Variants in FAT3 observed in about 807,000 individuals in gnomAD.
The protein encoded by FAT3 is protocadherin Fat 3.
In FAT3, 95 loss-of-function variants were observed where a neutral mutation model predicts 310.2. The ratio of observed to expected loss-of-function variants is 0.31; its 90% CI spans 0.26 to 0.36. The LOEUF (loss-of-function observed/expected upper bound fraction) is 0.36, where lower values mean the gene tolerates loss of function less well. FAT3 is among the 10% of genes least tolerant of loss of function. FAT3 has a pLI of 1.00. For missense variants in FAT3, 5,408 were observed against 5,715.6 expected (o/e 0.95, Z 1.74); for synonymous variants, 2,314 against 2,192.9 (o/e 1.06, Z -1.54).
At chr11:92,794,081 G>T (rs933737950) in intron 9 of FAT3, among the ~76,000 whole-genome samples, 1 of 152,062 alleles carries the variant, frequency 6.6e-6, no homozygotes, top group Non-Finnish European at 1.5e-5. Context: ...TTTCCGGAGA[G>T]AATTTACCTA....
chr11:92,541,882 G>A (rs1041352906), intron 3 of FAT3, among the ~76,000 whole-genome samples: 3 of 152,134 alleles, frequency 2.0e-5, no homozygotes, highest in Non-Finnish European at 4.4e-5. Context: ...AGTAATTGCA[G>A]TCATGATTAT....
chr11:92,728,016 A>G (rs757414759), intron 4 of FAT3, among the ~76,000 whole-genome samples: 1 of 152,128 alleles, frequency 6.6e-6, no homozygotes, highest in Non-Finnish European at 1.5e-5. Flanking sequence ...GTGCCTCTGC[A>G]CAAGTGTACT....
In FAT3 at chr11:92,800,212, A is replaced by C. The variant is rs191031398; in HGVS notation, c.7199A>C (p.Glu2400Ala). ...CCAGTTTTTAATCAGCTCATTTATG[A>C]GTCATATGTGAGTGAATTAGCCCCC... The part of the protein sequence containing the change: ...NPPVFNQLIY[E>A]SYVSELAPRG... The change falls in exon 10 of 28, where the codon GAG becomes GCG. Residue 2400 changes from glutamate to alanine, a missense_variant. This residue lies in a region of FAT3 where 4,588 missense variants were observed against 4,809.8 expected (regional missense o/e 0.95). Transcript: ENST00000525166. 1 of 1,613,986 alleles carries C rather than the reference A, an allele frequency of 6.2e-7. No homozygotes were observed. The highest frequency in any genetic ancestry group is 8.5e-7 in the Non-Finnish European group (1 of 1,179,864).
chr11:92,823,721 G>A lies in FAT3; in HGVS notation c.9482-7901G>A, dbSNP rs76049133. Among the ~76,000 whole-genome samples, 973 of 152,224 alleles carry A rather than the reference G, an allele frequency of 6.4e-3. 12 individuals are homozygous for A. Among genetic ancestry groups the A allele is most frequent in the African/African-American group, 0.022 (911 of 41,518 alleles). On this transcript the variant is annotated intron_variant, in intron 13 of 27. Transcript: ENST00000525166. ...CTGTGTTTTTTGACTTCAAAAAACC[G>A]AGGGGCTACTGACTGACCCCAGGAG...
At chr11:92,591,362 T>C (rs541394578) in intron 3 of FAT3, among the ~76,000 whole-genome samples, 3 of 152,212 alleles carry the variant, frequency 2.0e-5, no homozygotes, top group Non-Finnish European at 4.4e-5. Flanking sequence ...CTCGGTACAG[T>C]CCTTACTTAT....
intron 3 of FAT3, among the ~76,000 whole-genome samples, chr11:92,596,868 A>G (rs1404139330): frequency 2.6e-5 from 4 of 152,052 alleles, no homozygotes; most frequent in Non-Finnish European, 5.9e-5. Context: ...AGAGTTTGTG[A>G]ATTTCTTTTC....
At chr11:92,735,129 A>T (rs986877293) in intron 4 of FAT3, among the ~76,000 whole-genome samples, 2 of 122,694 alleles carry the variant, frequency 1.6e-5, no homozygotes, top group Non-Finnish European at 3.3e-5. Flanking sequence ...GACTTAGGGC[A>T]TGCATATCTG....
intron 3 of FAT3, among the ~76,000 whole-genome samples, chr11:92,625,187 A>C (rs777363233): frequency 6.6e-6 from 1 of 152,342 alleles, no homozygotes; most frequent in South Asian, 2.1e-4. Flanking sequence ...TATGCTGCCC[A>C]TGCCACATTT....
At chr11:92,553,004 G>A (rs1384216134) in intron 3 of FAT3, among the ~76,000 whole-genome samples, 2 of 150,458 alleles carry the variant, frequency 1.3e-5, no homozygotes, top group African/African-American at 2.4e-5. Flanking sequence ...AGGAAATAGA[G>A]GAAATATGGA....
intron 2 of FAT3, among the ~76,000 whole-genome samples, chr11:92,410,678 C>T (rs747994280): frequency 7.2e-5 from 11 of 151,998 alleles, no homozygotes; most frequent in East Asian, 1.9e-4. Context: ...AGTGAGTTTA[C>T]GGAATAATTT....
At chr11:92,465,771 G>A (rs1317485432) in intron 2 of FAT3, among the ~76,000 whole-genome samples, 3 of 151,994 alleles carry the variant, frequency 2.0e-5, no homozygotes, top group African/African-American at 7.2e-5. Flanking sequence ...TAAATGATGA[G>A]TTAATGGGTG....
At chr11:92,247,097 A>G (rs1413081333) in intron 1 of FAT3, among the ~76,000 whole-genome samples, 1 of 152,084 alleles carries the variant, frequency 6.6e-6, no homozygotes, top group East Asian at 1.9e-4. Flanking sequence ...CAGTGATTCC[A>G]GCGACGTGGC....
At chr11:92,595,150 G>T (rs1251856551) in intron 3 of FAT3, among the ~76,000 whole-genome samples, 1 of 152,064 alleles carries the variant, frequency 6.6e-6, no homozygotes, top group Non-Finnish European at 1.5e-5. Context: ...GTTTGGCAGG[G>T]ATAATGGGAT....
chr11:92,532,028 G>A (rs766084174), intron 3 of FAT3, among the ~76,000 whole-genome samples: 1 of 152,018 alleles, frequency 6.6e-6, no homozygotes. Context: ...GCACTAACGT[G>A]GAATACTTTA....
chr11:92,315,512 T>TAGAGAGAGAGAGAGAGAG (rs374021850), intron 1 of FAT3, among the ~76,000 whole-genome samples: 1 of 56,176 alleles, frequency 1.8e-5, no homozygotes, highest in Non-Finnish European at 3.3e-5. Context: ...TATATATATA[T>TAGAGAGAGAGAGAGAGAG]AGAGAGAGAG....
In FAT3 at chr11:92,280,825, T is replaced by C. The variant is rs561877087; in HGVS notation, c.-18+55651T>C. Among the ~76,000 whole-genome samples, 17 of 152,312 alleles carry C rather than the reference T, an allele frequency of 1.1e-4. No individual in the cohort carries two copies. The East Asian group carries it at 2.3e-3, about 21-fold the overall frequency. ...AATTTCCTGAAACTTATCATGCTGT[T>C]TCATGAGAGACCTTCGTACATACAA... On this transcript the variant is annotated intron_variant, in intron 1 of 27. Transcript: ENST00000525166.
chr11:92,848,530 C>A (rs1948742258), intron 19 of FAT3, among the ~76,000 whole-genome samples: 1 of 152,172 alleles, frequency 6.6e-6, no homozygotes, highest in South Asian at 2.1e-4. Flanking sequence ...AAATTGCATT[C>A]AAAAATCTAA....
At chr11:92,532,035 T>A (rs1429750221) in intron 3 of FAT3, among the ~76,000 whole-genome samples, 1 of 152,128 alleles carries the variant, frequency 6.6e-6, no homozygotes, top group Non-Finnish European at 1.5e-5. Flanking sequence ...CGTGGAATAC[T>A]TTACAGAACC....
Position 92,799,496 on chromosome 11 carries a change from G to A in FAT3, c.6483G>A (p.Lys2161=), listed in dbSNP as rs745807818. 5.6e-6 allele frequency: 9 copies of A among 1,613,520 alleles called. No individual in the cohort carries two copies. Among genetic ancestry groups the A allele is most frequent in the Non-Finnish European group, 7.6e-6 (9 of 1,179,786 alleles). Residue 2161 remains lysine, a synonymous_variant, in exon 10 of 28, where the codon AAG becomes AAA. Transcript: ENST00000525166. The part of the protein sequence containing the change: ...NIEYGVTILA[K]DGGKPSLSTS... ...AGTATGGAGTCACCATCCTAGCCAA[G>A]GATGGCGGAAAACCTTCTTTGTCTA...
Sources: gnomAD v4.1 joint callset for allele counts (sites outside exome capture counted in the v4.1 genomes callset) on GRCh38, gnomAD v4.1.1 for gene constraint, gnomAD v4.1.1 regional missense constraint, MANE v1.5 for transcripts, NCBI Gene and HGNC (gene_info 2026-07-23, HGNC 2026-07-21) for gene names.